TNRC6A: variants seen among roughly 807,000 people sequenced by gnomAD.
TNRC6A encodes the protein trinucleotide repeat containing adaptor 6A, also known as trinucleotide repeat-containing gene 6A protein.
In TNRC6A, 44 loss-of-function variants were observed where a neutral mutation model predicts 221.2. That is an observed-to-expected ratio of 0.20 (90% CI 0.16 to 0.26). The LOEUF (loss-of-function observed/expected upper bound fraction) is 0.26. Ranked by LOEUF, TNRC6A falls within the 10% of genes least tolerant of loss-of-function variation. The pLI, the probability that TNRC6A is intolerant of heterozygous loss-of-function variation, is 1.00. For synonymous variants in TNRC6A, 847 were observed against 838.5 expected, an observed-to-expected ratio of 1.01 and a Z score of -0.18; for missense variants, 2,199 against 2,404.4, an observed-to-expected ratio of 0.91 and a Z score of 1.79.
At chr16:24,635,541 C>T (rs1247471848) in intron 1 of TNRC6A, among the ~76,000 whole-genome samples, 1 of 152,164 alleles carries the variant, frequency 6.6e-6, no homozygotes, top group Non-Finnish European at 1.5e-5. Flanking sequence ...CCTTGGCCTC[C>T]CAAAGTGCTG....
chr16:24,655,827 G>A (rs1273810751), intron 2 of TNRC6A, among the ~76,000 whole-genome samples: 2 of 152,062 alleles, frequency 1.3e-5, no homozygotes, highest in African/African-American at 4.8e-5. Context: ...ATTAATAAAT[G>A]TTAGATAATA....
At chr16:24,798,813 A>G (rs1471054577) in intron 11 of TNRC6A, among the ~76,000 whole-genome samples, 5 of 152,258 alleles carry the variant, frequency 3.3e-5, no homozygotes, top group Non-Finnish European at 7.3e-5. Context: ...GAAACTACGC[A>G]GTAATTTGCT....
intron 2 of TNRC6A, among the ~76,000 whole-genome samples, chr16:24,671,499 A>G (rs531406072): frequency 6.6e-6 from 1 of 152,178 alleles, no homozygotes; most frequent in East Asian, 1.9e-4. Flanking sequence ...AGCATCCGTG[A>G]TGTGCCAGAC....
intron 4 of TNRC6A, among the ~76,000 whole-genome samples, chr16:24,773,118 A>G (rs1195992262): frequency 3.9e-5 from 6 of 152,066 alleles, no homozygotes. Context: ...TATATTTACT[A>G]ATTCCGTCTT....
At chr16:24,615,693 G>A (rs1283744613) in intron 1 of TNRC6A, among the ~76,000 whole-genome samples, 1 of 152,202 alleles carries the variant, frequency 6.6e-6, no homozygotes, top group Non-Finnish European at 1.5e-5. Flanking sequence ...TGAGCAGAGG[G>A]TTGCTGGGCA....
chr16:24,696,816 G>C (rs2055875369), intron 2 of TNRC6A, among the ~76,000 whole-genome samples: 1 of 150,972 alleles, frequency 6.6e-6, no homozygotes, highest in African/African-American at 2.4e-5. Context: ...GGAAAGAAGG[G>C]CTTTCATATT....
chr16:24,642,385 T>A (rs1175774368), intron 2 of TNRC6A, among the ~76,000 whole-genome samples: 1 of 152,104 alleles, frequency 6.6e-6, no homozygotes, highest in Non-Finnish European at 1.5e-5. Flanking sequence ...AGGGCTGTGG[T>A]CACTAAGCTG....
chr16:24,700,561 G>A (rs2055952105), intron 2 of TNRC6A, among the ~76,000 whole-genome samples: 1 of 152,018 alleles, frequency 6.6e-6, no homozygotes, highest in African/African-American at 2.4e-5. Context: ...AAATAAATAA[G>A]TAAGTGGTGC....
chr16:24,814,662 C>T (rs2058620176), intron 18 of TNRC6A, among the ~76,000 whole-genome samples: 1 of 152,106 alleles, frequency 6.6e-6, no homozygotes, highest in South Asian at 2.1e-4. Flanking sequence ...ATCTGCCTGC[C>T]TCAGCCTCCC....
intron 1 of TNRC6A, among the ~76,000 whole-genome samples, chr16:24,617,208 C>T (rs1276822259): frequency 1.3e-5 from 2 of 152,010 alleles, no homozygotes; most frequent in African/African-American, 4.8e-5. Context: ...TCACTCCAGC[C>T]TCCCACTCCT....
intron 2 of TNRC6A, among the ~76,000 whole-genome samples, chr16:24,665,551 A>G (rs2055141134): frequency 6.6e-6 from 1 of 152,156 alleles, no homozygotes; most frequent in Non-Finnish European, 1.5e-5. Flanking sequence ...CTTGTTCCAT[A>G]TTACCTTAAA....
intron 2 of TNRC6A, among the ~76,000 whole-genome samples, chr16:24,669,893 A>C (rs941526550): frequency 1.4e-5 from 2 of 139,876 alleles, no homozygotes; most frequent in African/African-American, 5.2e-5. Flanking sequence ...GCTTAATGCT[A>C]TATGCATCCA....
intron 16 of TNRC6A, 123 bp downstream of exon 16, chr16:24,806,406 T>C: frequency 7.2e-7 from 1 of 1,386,978 alleles, no homozygotes; most frequent in Admixed American, 2.0e-5. Context: ...TAATGCAGTA[T>C]GTTTTTCATT....
intron 2 of TNRC6A, among the ~76,000 whole-genome samples, chr16:24,712,907 CTGTGTGTGTGTGTGTGTGTGTGTG>C (rs61198955): frequency 5.5e-5 from 7 of 126,774 alleles, no homozygotes; most frequent in East Asian, 3.0e-4. Context: ...TTATGTGCCA[CTGTGTGTGTGTGTGTGTGTGTGTG>C]TGTGTGTGTG....
chr16:24,635,722 G>A (rs1236030431), intron 1 of TNRC6A, among the ~76,000 whole-genome samples: 1 of 152,164 alleles, frequency 6.6e-6, no homozygotes, highest in African/African-American at 2.4e-5. Flanking sequence ...TTATTTCTGA[G>A]AGTTTTTGCA....
chr16:24,637,122 T>C (rs1189619342), intron 1 of TNRC6A, among the ~76,000 whole-genome samples: 1 of 152,076 alleles, frequency 6.6e-6, no homozygotes, highest in Non-Finnish European at 1.5e-5. Context: ...AACCTCAACC[T>C]CCCAGGCTCA....
intron 8 of TNRC6A, 113 bp downstream of exon 8, chr16:24,794,832 C>G (rs527651936): frequency 1.1e-5 from 11 of 1,007,232 alleles, no homozygotes; most frequent in Non-Finnish European, 1.5e-5. Flanking sequence ...TCCAGGCAGC[C>G]CCCACCTTAG....
At position 24,729,854 on chromosome 16, in the gene TNRC6A, G is replaced by T; in HGVS notation, c.5+8G>T. On this transcript the variant is annotated splice_region_variant and intron_variant, in intron 1 of 24. Transcript: ENST00000395799. ...GCACTTTACACACATGAGGTGAGCG[G>T]AACAAGGGCCTCCCTCCGGGCGGGA... The T allele has an allele frequency of 7.6e-7, 1 of 1,307,632 alleles. No homozygotes were observed. The highest frequency in any genetic ancestry group is 9.8e-7 in the Non-Finnish European group (1 of 1,017,498). The allele number at this position is 1,307,632 out of a possible 1,614,324, so 81.0% of individuals were successfully genotyped here.
intron 1 of TNRC6A, among the ~76,000 whole-genome samples, chr16:24,626,538 A>G (rs1264034630): frequency 6.6e-6 from 1 of 152,110 alleles, no homozygotes; most frequent in Non-Finnish European, 1.5e-5. Flanking sequence ...CTGCTTGAAC[A>G]ACACTGAAAT....
Sources: allele counts gnomAD v4.1 joint callset (sites outside exome capture counted in the v4.1 genomes callset), GRCh38; gene constraint gnomAD v4.1.1; transcripts MANE v1.5; gene names NCBI Gene and HGNC (gene_info 2026-07-23, HGNC 2026-07-21).